Variants in CLSTN1 observed in about 807,000 individuals in gnomAD.
The protein encoded by CLSTN1 is calsyntenin 1.
Under a neutral mutation model 108.3 loss-of-function variants are expected in CLSTN1, and 28 were observed. The ratio of observed to expected loss-of-function variants is 0.26; its 90% CI spans 0.19 to 0.35. The LOEUF is 0.35. CLSTN1 is among the 10% of genes least tolerant of loss of function. The pLI, the probability that CLSTN1 is intolerant of heterozygous loss-of-function variation, is 1.00. For synonymous variants in CLSTN1, 524 were observed against 534.9 expected (o/e 0.98, Z 0.28); for missense variants, 1,157 against 1,302.6 (o/e 0.89, Z 1.72).
intron 1 of CLSTN1, among the ~76,000 whole-genome samples, chr1:9,792,258 G>A (rs533194517): frequency 6.6e-6 from 1 of 151,270 alleles, no homozygotes; most frequent in South Asian, 2.2e-4. Context: ...AGCAGCAAGT[G>A]TAACAGCAAT....
rs117806197 is a variant in CLSTN1 at position 9,752,404 on chromosome 1, G to A, written c.441-723C>T. ...TGGTCAAAATCTGACCTTTTCAAGG[G>A]AAACAATAACATTACACTGTGGAAA... On this transcript the variant is annotated intron_variant, in intron 4 of 18. Coordinates refer to ENST00000377298, the MANE Select transcript of CLSTN1 (RefSeq NM_001009566.3). Among the ~76,000 whole-genome samples the A allele has an allele frequency of 5.9e-5, 9 of 152,284 alleles. No individual in the cohort carries two copies. The East Asian group carries it at 1.7e-3, about 29-fold the overall frequency.
chr1:9,795,087 T>A (rs1461594539), intron 1 of CLSTN1, among the ~76,000 whole-genome samples: 2 of 151,112 alleles, frequency 1.3e-5, no homozygotes, highest in African/African-American at 4.8e-5. Context: ...CTTTTATTAT[T>A]TACATTCCTA....
intron 1 of CLSTN1, among the ~76,000 whole-genome samples, chr1:9,821,905 A>G (rs541420362): frequency 6.6e-6 from 1 of 152,340 alleles, no homozygotes; most frequent in South Asian, 2.1e-4. Context: ...TGACTCAACT[A>G]GCCAACACAC....
chr1:9,793,718 T>C (rs1006181446), intron 1 of CLSTN1, among the ~76,000 whole-genome samples: 1 of 151,546 alleles, frequency 6.6e-6, no homozygotes, highest in African/African-American at 2.4e-5. Flanking sequence ...GAGATTAACT[T>C]GCAAGCAGCA....
At chr1:9,773,929 A>G (rs1350233082) in intron 1 of CLSTN1, among the ~76,000 whole-genome samples, 1 of 151,206 alleles carries the variant, frequency 6.6e-6, no homozygotes, top group Non-Finnish European at 1.5e-5. Context: ...CTTTGTACAG[A>G]CAGGGTTTCA....
chr1:9,782,964 G>A (rs1653318235), intron 1 of CLSTN1, among the ~76,000 whole-genome samples: 2 of 152,188 alleles, frequency 1.3e-5, no homozygotes, highest in South Asian at 2.1e-4. Context: ...CTGAGATCGC[G>A]CCATCGCACT....
chr1:9,816,268 G>A (rs1654965480), intron 1 of CLSTN1, among the ~76,000 whole-genome samples: 1 of 152,166 alleles, frequency 6.6e-6, no homozygotes, highest in South Asian at 2.1e-4. Context: ...AAAAGGCCAC[G>A]TATGATTCCA....
At chr1:9,787,231 C>G (rs551744097) in intron 1 of CLSTN1, among the ~76,000 whole-genome samples, 1 of 150,966 alleles carries the variant, frequency 6.6e-6, no homozygotes, top group Admixed American at 6.8e-5. Context: ...CCGTCTTTCT[C>G]GAGGCCCAGG....
intron 3 of CLSTN1, 147 bp from the exon 4 acceptor site, chr1:9,755,456 G>A (rs1651765593): frequency 1.7e-6 from 1 of 592,486 alleles, no homozygotes; most frequent in Non-Finnish European, 2.9e-6. Context: ...CAAAGCAGGG[G>A]CACTGTGTTT....
rs117198274 is a variant in CLSTN1 at position 9,770,655 on chromosome 1, T to C, written c.214+2617A>G. The stretch of plus-strand genomic sequence containing the variant: ...TAAATACAAATTTATATTTGTACAG[T>C]ACTTAGAGTAGTGCCTGGGACATTG... On this transcript the variant is annotated intron_variant, in intron 2 of 18. Coordinates refer to ENST00000377298, the MANE Select transcript of CLSTN1 (RefSeq NM_001009566.3). Among the ~76,000 whole-genome samples, 662 of 152,348 alleles carry C rather than the reference T, an allele frequency of 4.3e-3. 12 individuals carry two copies. The highest frequency in any genetic ancestry group is 0.043 in the East Asian group (223 of 5,186).
At chr1:9,755,966 G>C (rs904094205) in intron 3 of CLSTN1, among the ~76,000 whole-genome samples, 3 of 152,178 alleles carry the variant, frequency 2.0e-5, no homozygotes, top group Non-Finnish European at 2.9e-5. Context: ...TATTATGGGA[G>C]GGACTGGCTA....
intron 3 of CLSTN1, among the ~76,000 whole-genome samples, chr1:9,755,897 G>C (rs966609192): frequency 6.6e-6 from 1 of 152,054 alleles, no homozygotes; most frequent in East Asian, 1.9e-4. Flanking sequence ...TAGAAATACC[G>C]ACTCGTCAGG....
chr1:9,818,608 T>C (rs1203183340), intron 1 of CLSTN1, among the ~76,000 whole-genome samples: 1 of 152,008 alleles, frequency 6.6e-6, no homozygotes, highest in African/African-American at 2.4e-5. Flanking sequence ...ATTACAGGCA[T>C]GAGCCACCGC....
chr1:9,737,613 C>T (rs1011332784), intron 10 of CLSTN1, 59 bp from the exon 11 acceptor site: 27 of 1,507,652 alleles, frequency 1.8e-5, no homozygotes, highest in East Asian at 6.8e-5. Context: ...GTCTTCAAAC[C>T]GGACCTTGAA....
rs70998311 is a variant in CLSTN1 at position 9,795,961 on chromosome 1, CAA to C, written c.92-22569_92-22568del. Among the ~76,000 whole-genome samples, 1,333 of 135,474 alleles carry C rather than the reference CAA, an allele frequency of 9.8e-3. 15 individuals carry two copies. Among genetic ancestry groups the C allele is most frequent in the African/African-American group, 0.024 (872 of 36,894 alleles). The allele number at this position is 135,474 out of a possible 152,430, so 88.9% of individuals were successfully genotyped here. A position where few individuals can be genotyped will look rare whatever the true frequency, so the allele number is the denominator to read the frequency against. The stretch of plus-strand genomic sequence containing the variant: ...CAGAACAAGACCCTGTCCCCACCTC[CAA>C]AAAAAAAAAAAAAATCTGAGGCTGG... On this transcript the variant is annotated intron_variant, in intron 1 of 18. Transcript: ENST00000377298.
rs183828930 is a variant in CLSTN1, at chr1:9,734,640, C to T, written c.2110+308G>A. Among the ~76,000 whole-genome samples the T allele has an allele frequency of 1.7e-3, 262 of 151,840 alleles. 2 individuals are homozygous for T. The highest frequency in any genetic ancestry group is 6.0e-3 in the African/African-American group (250 of 41,404). On this transcript the variant is annotated intron_variant, in intron 14 of 18. Coordinates refer to ENST00000377298, the MANE Select transcript of CLSTN1 (RefSeq NM_001009566.3). The surrounding 1 kb of genome is among the most constrained non-coding windows in gnomAD (Gnocchi z 4.8). Reference sequence around the variant, plus strand: ...CAAGAATTGTGGGGACATTGTGCCTCCATGGGCTGGCCAGCCTGGCAGGTG... The same window carrying T: ...CAAGAATTGTGGGGACATTGTGCCTTCATGGGCTGGCCAGCCTGGCAGGTG...
chr1:9,815,510 A>G (rs79483956), intron 1 of CLSTN1, among the ~76,000 whole-genome samples: 2,741 of 152,348 alleles, frequency 0.018, 83 homozygotes, highest in African/African-American at 0.061. Flanking sequence ...AATTCAACTT[A>G]AAATTCTAAC....
chr1:9,768,468 G>A (rs1393764325), intron 2 of CLSTN1, among the ~76,000 whole-genome samples: 3 of 119,780 alleles, frequency 2.5e-5, no homozygotes, highest in Non-Finnish European at 3.5e-5. Flanking sequence ...TGTGTTGAGC[G>A]GCACAATGGG....
Position 9,734,155 on chromosome 1 carries a change from C to T in CLSTN1, c.2111-13G>A. ...AGTGATTCTTGAACTGCAAAAGAGG[C>T]CCAACCAGAAATATTAAGTAGGGGC... On this transcript the variant is annotated splice_polypyrimidine_tract_variant and intron_variant, in intron 14 of 18. Coordinates refer to ENST00000377298, the MANE Select transcript of CLSTN1 (RefSeq NM_001009566.3). This position sits in a 1 kb window ranked among gnomAD's most constrained non-coding sequence, Gnocchi z 4.8. The T allele has an allele frequency of 1.2e-6, 2 of 1,613,334 alleles. No individual in the cohort carries two copies. Among genetic ancestry groups the T allele is most frequent in the Non-Finnish European group, 1.7e-6 (2 of 1,179,554 alleles).
Sources: allele counts gnomAD v4.1 joint callset (sites outside exome capture counted in the v4.1 genomes callset), GRCh38; gene constraint gnomAD v4.1.1; non-coding constraint Gnocchi (gnomAD v3.1); transcripts MANE v1.5; gene names NCBI Gene and HGNC (gene_info 2026-07-23, HGNC 2026-07-21).